The following LNPK variants were observed in gnomAD, a reference collection of about 807,000 sequenced individuals.
LNPK encodes endoplasmic reticulum junction formation protein lunapark.
In LNPK, 29 loss-of-function variants were observed where a neutral mutation model predicts 55.2. The observed-to-expected ratio is 0.53, with a 90% CI of 0.39 to 0.72. LNPK has a LOEUF of 0.72. Ranked by LOEUF, LNPK falls within the 30% of genes least tolerant of loss-of-function variation. The pLI is 0.00. For missense variants in LNPK, 467 were observed against 494.8 expected (o/e 0.94, Z 0.53); for synonymous variants, 162 against 168.2 (o/e 0.96, Z 0.29).
intron 1 of LNPK, among the ~76,000 whole-genome samples, chr2:176,001,217 G>C (rs1308512488): frequency 6.6e-6 from 1 of 152,136 alleles, no homozygotes; most frequent in African/African-American, 2.4e-5. Flanking sequence ...TTCCCTGCCA[G>C]TTTGAACATA....
intron 9 of LNPK, among the ~76,000 whole-genome samples, chr2:175,942,180 A>T (rs1013226132): frequency 4.6e-5 from 7 of 152,176 alleles, no homozygotes; most frequent in Non-Finnish European, 8.8e-5. Flanking sequence ...TAAATATATA[A>T]GACTTTTTAT....
intron 8 of LNPK, among the ~76,000 whole-genome samples, chr2:175,956,314 A>G (rs930797748): frequency 6.7e-6 from 1 of 150,224 alleles, no homozygotes; most frequent in Non-Finnish European, 1.5e-5. Context: ...TTTTTAGGGC[A>G]TCCTCCAAAA....
intron 5 of LNPK, among the ~76,000 whole-genome samples, chr2:175,975,448 G>A (rs1686867416): frequency 6.6e-6 from 1 of 151,962 alleles, no homozygotes; most frequent in Non-Finnish European, 1.5e-5. Context: ...AAATATTCCT[G>A]TTTTCATTTT....
At chr2:175,954,152 G>A (rs1462458407) in intron 8 of LNPK, among the ~76,000 whole-genome samples, 2 of 152,104 alleles carry the variant, frequency 1.3e-5, no homozygotes, top group African/African-American at 2.4e-5. Context: ...TTTATTACAT[G>A]TGTATACCCC....
rs1680353306 is a variant in LNPK at position 175,925,981 on chromosome 2, T to C, written c.*3986A>G. 3 of 152,152 alleles carry C rather than the reference T, an allele frequency of 2.0e-5. No homozygotes were observed. In the South Asian group the frequency reaches 6.2e-4, roughly 32 times the overall value. 9.4% of individuals were successfully genotyped at this position (152,152 alleles called of 1,614,324 possible). On this transcript the variant is annotated 3_prime_UTR_variant, in exon 13 of 13. Coordinates refer to ENST00000272748, the MANE Select transcript of LNPK (RefSeq NM_030650.3). ...CACACCTGGCCCCTCATTTTCTGTT[T>C]TTTAAAAACTCAGGCTGCAGCACAC...
Position 175,970,813 on chromosome 2 carries a change from C to A in LNPK, c.317-9G>T. 1 of 1,407,654 alleles carries A rather than the reference C, an allele frequency of 7.1e-7. No homozygotes were observed. The highest frequency in any genetic ancestry group is 9.5e-7 in the Non-Finnish European group (1 of 1,054,946). 87.2% of individuals were successfully genotyped at this position (1,407,654 alleles called of 1,614,324 possible). A position where few individuals can be genotyped will look rare whatever the true frequency, so the allele number is the denominator to read the frequency against. On this transcript the variant is annotated splice_polypyrimidine_tract_variant and intron_variant, in intron 5 of 12. Coordinates refer to ENST00000272748, the MANE Select transcript of LNPK (RefSeq NM_030650.3). ...ATCATCCAATGCTTCATCTAGAAAG[C>A]AAGATTTAAATCAAAGATTAAGATA...
intron 9 of LNPK, chr2:175,940,978 T>C (rs1209109254): frequency 1.8e-5 from 8 of 454,912 alleles, no homozygotes; most frequent in South Asian, 1.1e-4. Flanking sequence ...CCAGGCGCAG[T>C]AGCTCATGCC....
chr2:175,930,189 T>C lies in LNPK; in HGVS notation c.1065A>G (p.Glu355=), dbSNP rs1243373828. The C allele has an allele frequency of 1.2e-6, 2 of 1,612,386 alleles. No homozygotes were observed. Among genetic ancestry groups the C allele is most frequent in the Admixed American group, 3.3e-5 (2 of 59,910 alleles). The part of the protein sequence containing the change: ...SDNQFNEESL[E]HDVLDDNTEQ... ...CTGTATTATCATCAAGAACATCGTG[T>C]TCTAAAGATTCTGAAAAGATAAAGA... The change falls in exon 13 of 13, where the codon GAA becomes GAG. Residue 355 remains glutamate, a synonymous_variant. Transcript: ENST00000272748.
At chr2:175,957,576 C>T (rs1024590117) in intron 8 of LNPK, among the ~76,000 whole-genome samples, 3 of 151,914 alleles carry the variant, frequency 2.0e-5, no homozygotes, top group Non-Finnish European at 4.4e-5. Context: ...CACATGGATA[C>T]TATTGCAGAT....
chr2:175,930,127 G>A lies in LNPK; in HGVS notation c.1127C>T (p.Thr376Ile). 9.9e-6 allele frequency: 16 copies of A among 1,613,666 alleles called. No homozygotes were observed. Among genetic ancestry groups the A allele is most frequent in the Non-Finnish European group, 1.4e-5 (16 of 1,179,718 alleles). Residue 376 changes from threonine to isoleucine, a missense_variant, in exon 13 of 13, where the codon ACA becomes ATA. By Grantham distance (89) the Thr-to-Ile change is moderately conservative (BLOSUM62 -1). Transcript: ENST00000272748. ...TDDKIPATEQ[T>I]NQVIEKASDS... ...AGATGCTTTTTCAATCACTTGGTTT[G>A]TCTGTTCTGTAGCTGGTATTTTGTC...
chr2:175,982,766 A>G (rs1283265885), intron 4 of LNPK, among the ~76,000 whole-genome samples: 2 of 152,232 alleles, frequency 1.3e-5, no homozygotes, highest in African/African-American at 4.8e-5. Flanking sequence ...TTATCCCAAC[A>G]AAGGTTTTGC....
Position 175,992,317 on chromosome 2 carries a change from T to C in LNPK, c.171A>G (p.Thr57=), listed in dbSNP as rs777247856. Residue 57 remains threonine, a synonymous_variant, in exon 4 of 13, where the codon ACA becomes ACG. Coordinates refer to ENST00000272748, the MANE Select transcript of LNPK (RefSeq NM_030650.3). ...ILYSSVLYLF[T]CLIVYLWYLP... ...GATACCACAAATATACAATTAAGCA[T>C]GTAAACAGATAGAGAACTGAGGAAT... is the stretch of plus-strand genomic sequence containing the variant. 1 of 1,569,470 alleles carries C rather than the reference T, an allele frequency of 6.4e-7. No homozygotes were observed. The highest frequency in any genetic ancestry group is 2.0e-5 in the Admixed American group (1 of 50,484).
At chr2:175,932,255 G>A (rs534513836) in intron 12 of LNPK, 6 of 439,980 alleles carry the variant, frequency 1.4e-5, no homozygotes, top group African/African-American at 4.0e-5. Context: ...AGTCAAAGCC[G>A]ATTTAATGTA....
intron 8 of LNPK, among the ~76,000 whole-genome samples, chr2:175,954,207 C>T (rs184839114): frequency 3.9e-5 from 6 of 152,270 alleles, no homozygotes; most frequent in African/African-American, 1.4e-4. Flanking sequence ...TCTGTAGACA[C>T]ATGATGTGGG....
chr2:175,971,598 A>G (rs955781824), intron 5 of LNPK, among the ~76,000 whole-genome samples: 31 of 152,272 alleles, frequency 2.0e-4, no homozygotes, highest in African/African-American at 7.2e-4. Context: ...TTACTTCTTC[A>G]CTGAAATTCT....
intron 1 of LNPK, among the ~76,000 whole-genome samples, chr2:175,997,650 T>C (rs2105371704): frequency 6.6e-6 from 1 of 151,738 alleles, no homozygotes; most frequent in Admixed American, 6.6e-5. Flanking sequence ...GCACCAACAA[T>C]ATCAGTTAAA....
chr2:175,964,619 C>G, intron 6 of LNPK, 30 bp from the exon 7 acceptor site: 1 of 1,117,266 alleles, frequency 9.0e-7, no homozygotes, highest in Non-Finnish European at 1.4e-6. Context: ...TAAATTGTCA[C>G]ACTTCAAAAC....
At chr2:176,002,500 G>C (rs1688210311), upstream of LNPK, 2 of 220,292 alleles carry the variant, frequency 9.1e-6, no homozygotes, top group Admixed American at 6.2e-5. Context: ...TTAGAATATA[G>C]TTATTTCTTA....
intron 11 of LNPK, among the ~76,000 whole-genome samples, chr2:175,938,011 A>C (rs148829361): frequency 6.6e-6 from 1 of 152,254 alleles, no homozygotes; most frequent in African/African-American, 2.4e-5. Context: ...TGGACCTCAT[A>C]CTCAGTCCAT....
Sources: gnomAD v4.1 joint callset for allele counts (sites outside exome capture counted in the v4.1 genomes callset) on GRCh38, gnomAD v4.1.1 for gene constraint, MANE v1.5 for transcripts, NCBI Gene and HGNC (gene_info 2026-07-23, HGNC 2026-07-21) for gene names.